Variants in ESRRG observed in about 807,000 individuals in gnomAD.
The protein encoded by ESRRG is estrogen-related receptor gamma.
Under a neutral mutation model 44.0 loss-of-function variants are expected in ESRRG, and 13 were observed. The observed-to-expected ratio is 0.30, with a 90% CI of 0.19 to 0.47. The LOEUF (loss-of-function observed/expected upper bound fraction) is 0.47, where lower values mean the gene tolerates loss of function less well. Ranked by LOEUF, ESRRG falls within the 20% of genes least tolerant of loss-of-function variation. The pLI, the probability that ESRRG is intolerant of heterozygous loss-of-function variation, is 1.00. For synonymous variants in ESRRG, 215 were observed against 214.6 expected (o/e 1.00, Z -0.02); for missense variants, 395 against 580.6 (o/e 0.68, Z 3.29).
At chr1:216,999,245 T>C (rs2076726342) in intron 1 of ESRRG, among the ~76,000 whole-genome samples, 1 of 152,136 alleles carries the variant, frequency 6.6e-6, no homozygotes, top group Admixed American at 6.6e-5. Context: ...TCATTATTTT[T>C]ACAAAGCCAA....
intron 2 of ESRRG, among the ~76,000 whole-genome samples, chr1:216,852,824 C>T (rs1185017955): frequency 2.0e-5 from 3 of 151,408 alleles, no homozygotes; most frequent in Non-Finnish European, 4.4e-5. Context: ...CTTACTTCTT[C>T]CCACCAGGGC....
chr1:216,533,012 A>C (rs2049868107), intron 5 of ESRRG, among the ~76,000 whole-genome samples: 1 of 152,166 alleles, frequency 6.6e-6, no homozygotes, highest in Admixed American at 6.6e-5. Flanking sequence ...GCTTAGAATA[A>C]TTATAATAAA....
chr1:216,604,353 C>T (rs1482838233), intron 3 of ESRRG, among the ~76,000 whole-genome samples: 4 of 152,126 alleles, frequency 2.6e-5, no homozygotes, highest in Non-Finnish European at 4.4e-5. Context: ...GGCCAGTGCT[C>T]GGCTTTCCCA....
intron 2 of ESRRG, among the ~76,000 whole-genome samples, chr1:216,766,409 A>C (rs750208272): frequency 1.3e-5 from 2 of 151,976 alleles, no homozygotes; most frequent in African/African-American, 2.4e-5. Flanking sequence ...CTTGATTCTT[A>C]CTGATGCCCC....
Position 216,684,527 on chromosome 1 carries a change from A to G in ESRRG, c.57-7036T>C, listed in dbSNP as rs556055544. On this transcript the variant is annotated intron_variant, in intron 1 of 6. Coordinates refer to ENST00000408911, the MANE Select transcript of ESRRG (RefSeq NM_001438.4). ...ATAATAATGCCGAGTAATTGCATAC[A>G]TGATGTTTTGCATAATTAACCATCT... 2.0e-5 allele frequency among the ~76,000 whole-genome samples: 3 copies of G among 152,348 alleles called. No homozygotes were observed. The South Asian group carries it at 6.2e-4, about 32-fold the overall frequency.
At chr1:216,855,309 G>A (rs576476499) in intron 2 of ESRRG, among the ~76,000 whole-genome samples, 18 of 152,070 alleles carry the variant, frequency 1.2e-4, no homozygotes, top group Non-Finnish European at 2.5e-4. Flanking sequence ...AGTAGCTCTC[G>A]CTTTAGTTTA....
At chr1:216,509,968 G>A (rs1296741738) in intron 6 of ESRRG, among the ~76,000 whole-genome samples, 5 of 152,126 alleles carry the variant, frequency 3.3e-5, no homozygotes, top group Non-Finnish European at 1.5e-5. Context: ...TGGCATTAAT[G>A]TATGTAATTT....
At chr1:217,106,611 C>G (rs1580591677) in intron 1 of ESRRG, among the ~76,000 whole-genome samples, 1 of 152,304 alleles carries the variant, frequency 6.6e-6, no homozygotes, top group Non-Finnish European at 1.5e-5. Context: ...GAGGGATTTT[C>G]TGAAACAGAA....
At chr1:216,723,993 G>A (rs1192562462), upstream of ESRRG, among the ~76,000 whole-genome samples, 2 of 152,040 alleles carry the variant, frequency 1.3e-5, no homozygotes, top group East Asian at 3.9e-4. Context: ...TCCTAATCAT[G>A]TCTTTTCCTG....
chr1:216,557,152 T>C (rs922075355), intron 5 of ESRRG, among the ~76,000 whole-genome samples: 45 of 152,184 alleles, frequency 3.0e-4, no homozygotes, highest in African/African-American at 7.5e-4. Flanking sequence ...CAGTAAAACT[T>C]GTAATCAGGA....
At chr1:216,899,272 T>C (rs763920672) in intron 2 of ESRRG, among the ~76,000 whole-genome samples, 1 of 152,214 alleles carries the variant, frequency 6.6e-6, no homozygotes. Context: ...ACTTGGAATT[T>C]AGTCTTTGAA....
intron 1 of ESRRG, among the ~76,000 whole-genome samples, chr1:216,989,477 T>C (rs919825152): frequency 1.7e-4 from 26 of 150,094 alleles, no homozygotes; most frequent in African/African-American, 6.4e-4. Context: ...TATAAATTTA[T>C]CTAATGTATC....
chr1:216,542,652 T>C (rs1419975867), intron 5 of ESRRG, among the ~76,000 whole-genome samples: 1 of 152,076 alleles, frequency 6.6e-6, no homozygotes, highest in African/African-American at 2.4e-5. Flanking sequence ...TGTACTCATT[T>C]ACTACATAAA....
At chr1:216,733,986 G>GT (rs1374842025) in intron 2 of ESRRG, among the ~76,000 whole-genome samples, 5 of 81,892 alleles carry the variant, frequency 6.1e-5, no homozygotes, top group East Asian at 6.5e-4. Flanking sequence ...GCAAGACTCT[G>GT]TAAAAAAAAA....
intron 1 of ESRRG, among the ~76,000 whole-genome samples, chr1:217,034,227 A>G (rs1488588815): frequency 2.0e-5 from 3 of 152,314 alleles, no homozygotes; most frequent in Non-Finnish European, 4.4e-5. Flanking sequence ...TGCAACTTGA[A>G]TTACATTTTA....
At chr1:216,597,498 C>T (rs1183443713) in intron 3 of ESRRG, among the ~76,000 whole-genome samples, 3 of 152,116 alleles carry the variant, frequency 2.0e-5, no homozygotes, top group Admixed American at 2.0e-4. Flanking sequence ...GGATTTGGAA[C>T]TGTGTTTTCT....
intron 1 of ESRRG, among the ~76,000 whole-genome samples, chr1:217,098,117 G>A (rs528101730): frequency 6.6e-6 from 1 of 152,244 alleles, no homozygotes; most frequent in East Asian, 1.9e-4. Flanking sequence ...GGAGCCTGAT[G>A]CAAATAAGGC....
chr1:216,640,674 G>A (rs1228731190), intron 3 of ESRRG, among the ~76,000 whole-genome samples: 1 of 152,156 alleles, frequency 6.6e-6, no homozygotes, highest in African/African-American at 2.4e-5. Flanking sequence ...AAAGGTAACT[G>A]AGCATTTAGG....
chr1:217,002,801 A>G (rs2077214931), intron 1 of ESRRG, among the ~76,000 whole-genome samples: 1 of 152,168 alleles, frequency 6.6e-6, no homozygotes, highest in Admixed American at 6.5e-5. Flanking sequence ...TGGAACCTCC[A>G]GCCCCACGCA....
Sources: gnomAD v4.1 joint callset for allele counts (sites outside exome capture counted in the v4.1 genomes callset) on GRCh38, gnomAD v4.1.1 for gene constraint, MANE v1.5 for transcripts, NCBI Gene and HGNC (gene_info 2026-07-23, HGNC 2026-07-21) for gene names.